Variants in EBAG9 observed in about 807,000 individuals in gnomAD.
The protein encoded by EBAG9 is estrogen receptor binding site associated antigen 9.
In EBAG9, 16 loss-of-function variants were observed where a neutral mutation model predicts 30.9. The ratio of observed to expected loss-of-function variants is 0.52; its 90% CI spans 0.35 to 0.79. The LOEUF (loss-of-function observed/expected upper bound fraction) is 0.79, where lower values mean the gene tolerates loss of function less well. Ranked by LOEUF, EBAG9 falls within the 30% of genes least tolerant of loss-of-function variation. The pLI, the probability that EBAG9 is intolerant of heterozygous loss-of-function variation, is 0.01. For missense variants in EBAG9, 197 were observed against 242.1 expected (o/e 0.81, Z 1.24); for synonymous variants, 93 against 82.8 (o/e 1.12, Z -0.67).
chr8:109,552,004 G>A (rs1821504263), intron 2 of EBAG9, among the ~76,000 whole-genome samples: 1 of 152,212 alleles, frequency 6.6e-6, no homozygotes, highest in African/African-American at 2.4e-5. Flanking sequence ...TGGCCTAAGG[G>A]TACTGTGAAA....
Position 109,556,920 on chromosome 8 carries a change from C to A in EBAG9, c.322-15C>A. Reference sequence around the variant, plus strand: ...GTAAAAGATCCCTATAATTCTTTTTCAATTAATCTTTCAGATTGTTATTAA... The same window carrying A: ...GTAAAAGATCCCTATAATTCTTTTTAAATTAATCTTTCAGATTGTTATTAA... On this transcript the variant is annotated splice_polypyrimidine_tract_variant and intron_variant, in intron 4 of 6. Coordinates refer to ENST00000337573, the MANE Select transcript of EBAG9 (RefSeq NM_004215.5). 6.8e-7 allele frequency: 1 copy of A among 1,471,398 alleles called. No homozygotes were observed. The allele number at this position is 1,471,398 out of a possible 1,614,324, so 91.1% of individuals were successfully genotyped here. A position where few individuals can be genotyped will look rare whatever the true frequency, so the allele number is the denominator to read the frequency against.
intron 1 of EBAG9, among the ~76,000 whole-genome samples, chr8:109,547,266 GT>G (rs1821403411): frequency 6.6e-6 from 1 of 152,136 alleles, no homozygotes; most frequent in African/African-American, 2.4e-5. Flanking sequence ...CTACCAAATT[GT>G]TTTTCAAAGT....
chr8:109,549,916 A>G (rs1229426125), intron 1 of EBAG9, among the ~76,000 whole-genome samples: 3 of 151,888 alleles, frequency 2.0e-5, no homozygotes, highest in African/African-American at 7.2e-5. Context: ...ATTTTCTCCT[A>G]TCCTTTTACT....
At chr8:109,543,586 T>G (rs1279400364) in intron 1 of EBAG9, among the ~76,000 whole-genome samples, 1 of 152,162 alleles carries the variant, frequency 6.6e-6, no homozygotes. Context: ...AGATATTAGA[T>G]CTTAGCTCTC....
intron 1 of EBAG9, among the ~76,000 whole-genome samples, chr8:109,547,758 G>A (rs540455945): frequency 1.3e-5 from 2 of 152,264 alleles, no homozygotes; most frequent in African/African-American, 2.4e-5. Context: ...GGGATTACAG[G>A]TGTGAGCCAC....
At chr8:109,553,768 A>T (rs1452751955) in intron 2 of EBAG9, 97 bp from the exon 3 acceptor site, 3 of 866,884 alleles carry the variant, frequency 3.5e-6, no homozygotes, top group Admixed American at 6.1e-5. Context: ...ATTGAGAAAG[A>T]TCTTGTTTTA....
intron 2 of EBAG9, among the ~76,000 whole-genome samples, chr8:109,551,519 A>T (rs943149120): frequency 6.6e-6 from 1 of 152,186 alleles, no homozygotes; most frequent in Non-Finnish European, 1.5e-5. Flanking sequence ...TGAAATTCAC[A>T]GGGATGCCAT....
intron 6 of EBAG9, among the ~76,000 whole-genome samples, chr8:109,562,314 A>G (rs1821726876): frequency 6.6e-6 from 1 of 152,078 alleles, no homozygotes; most frequent in Non-Finnish European, 1.5e-5. Context: ...TTAACCCCTA[A>G]GCAAAACAAA....
chr8:109,549,166 G>GT (rs1318986047), intron 1 of EBAG9, among the ~76,000 whole-genome samples: 1 of 151,170 alleles, frequency 6.6e-6, no homozygotes, highest in Non-Finnish European at 1.5e-5. Context: ...TGTTTATATG[G>GT]TTTTTTGTTT....
intron 4 of EBAG9, among the ~76,000 whole-genome samples, 153 bp downstream of exon 4, chr8:109,555,040 T>TAGTTAC (rs1180414763): frequency 1.3e-5 from 2 of 152,170 alleles, no homozygotes; most frequent in East Asian, 3.9e-4. Context: ...ACATGCAGGT[T>TAGTTAC]AGTTACATAT....
intron 6 of EBAG9, chr8:109,563,500 C>T: frequency 6.3e-7 from 1 of 1,597,448 alleles, no homozygotes; most frequent in Non-Finnish European, 8.5e-7. Flanking sequence ...GAGAGTGAGT[C>T]TGGGTCAGTG....
At chr8:109,551,001 A>G in intron 2 of EBAG9, 94 bp downstream of exon 2, 7 of 735,308 alleles carry the variant, frequency 9.5e-6, no homozygotes, top group Admixed American at 2.7e-5. Flanking sequence ...GACAGGTTAT[A>G]TTTAAGCTGA....
chr8:109,542,215 T>C (rs578158005), intron 1 of EBAG9, among the ~76,000 whole-genome samples: 2 of 152,266 alleles, frequency 1.3e-5, no homozygotes, highest in Admixed American at 1.3e-4. Context: ...TTCTGCAGAA[T>C]GAGGATATTC....
rs550060851 is a variant in EBAG9, at chr8:109,548,971, G to A, written c.-15-1839G>A. ...AAAAGTAGAAAAAGCAGACATGCTT[G>A]TGTTGTTCATGATCTTAGGGAGAAA... On this transcript the variant is annotated intron_variant, in intron 1 of 6. Transcript: ENST00000337573. Among the ~76,000 whole-genome samples, 207 of 146,496 alleles carry A rather than the reference G, an allele frequency of 1.4e-3. 2 individuals carry two copies. Among genetic ancestry groups the A allele is most frequent in the African/African-American group, 5.1e-3 (201 of 39,242 alleles).
chr8:109,542,135 T>C (rs1056946072), intron 1 of EBAG9, among the ~76,000 whole-genome samples: 5 of 152,198 alleles, frequency 3.3e-5, no homozygotes, highest in Non-Finnish European at 7.3e-5. Flanking sequence ...AACATTTTGA[T>C]AGTGCATGGT....
At chr8:109,544,461 C>G (rs938094409) in intron 1 of EBAG9, among the ~76,000 whole-genome samples, 1 of 152,156 alleles carries the variant, frequency 6.6e-6, no homozygotes, top group African/African-American at 2.4e-5. Context: ...TTGTTATTAC[C>G]TGGTTGTTTC....
In EBAG9 at chr8:109,564,488, A is replaced by C; in HGVS notation, c.571A>C (p.Lys191Gln). The C allele has an allele frequency of 2.5e-6, 4 of 1,613,022 alleles. No homozygotes were observed. The highest frequency in any genetic ancestry group is 3.4e-6 in the Non-Finnish European group (4 of 1,179,202). ...AAAGAGAGCAGCCGAACAACAAAGG[A>C]AGAAAATGGAAAAGGAAGCACAACG... ...REKRAAEQQRKKMEKEAQRLM... is the reference protein window; with the variant it reads ...REKRAAEQQRQKMEKEAQRLM... Residue 191 changes from lysine to glutamine, a missense_variant, in exon 7 of 7, where the codon AAG becomes CAG. Physicochemically the swap from Lys to Gln is moderately conservative, Grantham distance 53. Transcript: ENST00000337573.
intron 6 of EBAG9, chr8:109,563,491 A>G (rs755765534): frequency 6.3e-7 from 1 of 1,597,510 alleles, no homozygotes; most frequent in East Asian, 2.2e-5. Context: ...AAAGATAGAG[A>G]GAGTGAGTCT....
At chr8:109,553,745 C>A in intron 2 of EBAG9, 120 bp from the exon 3 acceptor site, 3 of 732,542 alleles carry the variant, frequency 4.1e-6, no homozygotes, top group South Asian at 2.0e-5. Flanking sequence ...TTACTAAAAT[C>A]AATAATCATA....
Sources: gnomAD v4.1 joint callset for allele counts (sites outside exome capture counted in the v4.1 genomes callset) on GRCh38, gnomAD v4.1.1 for gene constraint, MANE v1.5 for transcripts, NCBI Gene and HGNC (gene_info 2026-07-23, HGNC 2026-07-21) for gene names.